Variants in DNM3 observed in about 807,000 individuals in gnomAD.
DNM3 encodes the protein dynamin-3.
Under a neutral mutation model 101.6 loss-of-function variants are expected in DNM3, and 47 were observed. The ratio of observed to expected loss-of-function variants is 0.46; its 90% CI spans 0.37 to 0.59. The LOEUF (loss-of-function observed/expected upper bound fraction) is 0.59, where lower values mean the gene tolerates loss of function less well. DNM3 is among the 20% of genes least tolerant of loss of function. The pLI, the probability that DNM3 is intolerant of heterozygous loss-of-function variation, is 0.00. For synonymous variants in DNM3, 385 were observed against 387.9 expected, an observed-to-expected ratio of 0.99 and a Z score of 0.09; for missense variants, 849 against 1,085.7, an observed-to-expected ratio of 0.78 and a Z score of 3.06.
intron 14 of DNM3, among the ~76,000 whole-genome samples, chr1:172,152,783 G>T (rs2148239296): frequency 6.6e-6 from 1 of 152,188 alleles, no homozygotes; most frequent in East Asian, 1.9e-4. Context: ...TGAGTTTTTT[G>T]TGTATGTGCA....
chr1:171,892,851 T>A (rs182918348), intron 1 of DNM3, among the ~76,000 whole-genome samples: 1 of 150,000 alleles, frequency 6.7e-6, no homozygotes, highest in Admixed American at 6.6e-5. Flanking sequence ...CATAAGCAGT[T>A]CATGATAGGG....
At chr1:172,360,730 G>A (rs1198932740) in intron 17 of DNM3, among the ~76,000 whole-genome samples, 1 of 152,010 alleles carries the variant, frequency 6.6e-6, no homozygotes, top group Non-Finnish European at 1.5e-5. Context: ...GCGGTTGCTT[G>A]TAACACCTTT....
chr1:172,353,127 C>T (rs150261052), intron 17 of DNM3, among the ~76,000 whole-genome samples: 11 of 152,298 alleles, frequency 7.2e-5, no homozygotes, highest in African/African-American at 2.4e-4. Flanking sequence ...GCACCATCCT[C>T]TGCCCTGTTT....
chr1:172,368,585 G>T lies in DNM3; in HGVS notation c.1894-10433G>T, dbSNP rs1190389261. ...CAGGGAACTAGAAAAGCAAGAATAA[G>T]CCAAACCCAAAATTAGAAGGAAAGA... On this transcript the variant is annotated intron_variant, in intron 17 of 20. Coordinates refer to ENST00000627582, the MANE Select transcript of DNM3 (RefSeq NM_015569.5). 2.0e-5 allele frequency among the ~76,000 whole-genome samples: 3 copies of T among 151,624 alleles called. No individual in the cohort carries two copies. In the East Asian group the frequency reaches 5.8e-4, roughly 29 times the overall value.
At chr1:172,248,307 G>C (rs948886215) in intron 14 of DNM3, among the ~76,000 whole-genome samples, 3 of 152,064 alleles carry the variant, frequency 2.0e-5, no homozygotes, top group Non-Finnish European at 2.9e-5. Flanking sequence ...GGTCTAGGTA[G>C]GCCCAGCATG....
chr1:172,386,573 T>G (rs754142043), intron 18 of DNM3, among the ~76,000 whole-genome samples: 8 of 152,212 alleles, frequency 5.3e-5, no homozygotes, highest in Admixed American at 6.5e-5. Context: ...TCAACCTGCA[T>G]AGTTATATAA....
At chr1:172,307,894 A>C (rs1489046082) in intron 15 of DNM3, among the ~76,000 whole-genome samples, 1 of 152,102 alleles carries the variant, frequency 6.6e-6, no homozygotes, top group Non-Finnish European at 1.5e-5. Flanking sequence ...TGGGGGAGGG[A>C]TAGCATGAGG....
intron 4 of DNM3, among the ~76,000 whole-genome samples, chr1:172,027,749 C>CA (rs1212655337): frequency 7.3e-5 from 11 of 150,874 alleles, no homozygotes; most frequent in African/African-American, 2.7e-4. Context: ...AAATGGAAAG[C>CA]AAAAAAAAGC....
intron 14 of DNM3, among the ~76,000 whole-genome samples, chr1:172,238,264 C>T (rs1454707875): frequency 6.6e-6 from 1 of 152,092 alleles, no homozygotes; most frequent in Non-Finnish European, 1.5e-5. Flanking sequence ...AGAAATACTG[C>T]CCTACACTTC....
intron 14 of DNM3, among the ~76,000 whole-genome samples, chr1:172,218,311 T>G (rs1485783592): frequency 6.6e-6 from 1 of 152,064 alleles, no homozygotes. Context: ...AATAATTGGA[T>G]GGTTTGGGTT....
In DNM3 at chr1:171,858,053, C is replaced by G. The variant is rs552990141; in HGVS notation, c.161+16236C>G. Among the ~76,000 whole-genome samples, 14 of 152,262 alleles carry G rather than the reference C, an allele frequency of 9.2e-5. 2 individuals are homozygous for G. In the South Asian group the frequency reaches 2.1e-3, roughly 23 times the overall value. ...AATTTTGGGCTTCTAGCTTCCAGAA[C>G]TTTAATAAATAAATCTCTTTTATTT... On this transcript the variant is annotated intron_variant, in intron 1 of 20. Coordinates refer to ENST00000627582, the MANE Select transcript of DNM3 (RefSeq NM_015569.5).
In DNM3 at chr1:172,408,121, G is replaced by A; in HGVS notation, c.*280G>A. The A allele has an allele frequency of 8.2e-7, 1 of 1,214,124 alleles. No individual in the cohort carries two copies. The highest frequency in any genetic ancestry group is 1.0e-6 in the Non-Finnish European group (1 of 970,590). 75.2% of individuals were successfully genotyped at this position (1,214,124 alleles called of 1,614,324 possible). On this transcript the variant is annotated 3_prime_UTR_variant, in exon 21 of 21. Coordinates refer to ENST00000627582, the MANE Select transcript of DNM3 (RefSeq NM_015569.5). ...ACTTTGGGGATCATTTGCCTACCAT[G>A]GCATATATTTGAAATTGCTTTGGAC... is the stretch of plus-strand genomic sequence containing the variant.
chr1:172,118,084 C>A (rs1558597203), intron 13 of DNM3, among the ~76,000 whole-genome samples: 1 of 152,174 alleles, frequency 6.6e-6, no homozygotes, highest in Non-Finnish European at 1.5e-5. Context: ...TCACATCCTG[C>A]ACTGCCAAAA....
At chr1:172,090,559 G>A (rs1276487526) in intron 12 of DNM3, among the ~76,000 whole-genome samples, 3 of 152,120 alleles carry the variant, frequency 2.0e-5, no homozygotes, top group African/African-American at 7.2e-5. Context: ...TTAACAGAAA[G>A]CTGGAAAAAT....
At chr1:172,220,244 A>T (rs185537523) in intron 14 of DNM3, among the ~76,000 whole-genome samples, 1 of 152,298 alleles carries the variant, frequency 6.6e-6, no homozygotes, top group East Asian at 1.9e-4. Flanking sequence ...GTTAAACCCT[A>T]AAGTTGAGCC....
At chr1:172,328,755 A>G (rs550181355) in intron 17 of DNM3, among the ~76,000 whole-genome samples, 7 of 152,318 alleles carry the variant, frequency 4.6e-5, no homozygotes, top group African/African-American at 1.7e-4. Context: ...ATTAACCTAT[A>G]TAACAAACCT....
rs536165890 is a variant in DNM3, at chr1:172,409,963, T to C, written c.*2122T>C. On this transcript the variant is annotated 3_prime_UTR_variant, in exon 21 of 21. Transcript: ENST00000627582. ...AAAATTGGAGATTTTTTTCCAATTT[T>C]CCTTCCACTGATCTTAGGCAGTAAT... 696 of 985,742 alleles carry C rather than the reference T, an allele frequency of 7.1e-4. No individual in the cohort carries two copies. Among genetic ancestry groups the C allele is most frequent in the Non-Finnish European group, 8.1e-4 (675 of 829,870 alleles). 61.1% of individuals were successfully genotyped at this position (985,742 alleles called of 1,614,324 possible). A position where few individuals can be genotyped will look rare whatever the true frequency, so the allele number is the denominator to read the frequency against.
intron 13 of DNM3, among the ~76,000 whole-genome samples, chr1:172,109,217 A>G (rs1342724106): frequency 6.6e-6 from 1 of 152,176 alleles, no homozygotes; most frequent in Non-Finnish European, 1.5e-5. Context: ...AAGCTATGGA[A>G]TTTTTAGCAT....
intron 1 of DNM3, among the ~76,000 whole-genome samples, chr1:171,915,884 T>C (rs2039672054): frequency 6.6e-6 from 1 of 152,216 alleles, no homozygotes; most frequent in African/African-American, 2.4e-5. Context: ...CAGGTACCCA[T>C]TAAATGTTGG....
Sources: gnomAD v4.1 joint callset for allele counts (sites outside exome capture counted in the v4.1 genomes callset) on GRCh38, gnomAD v4.1.1 for gene constraint, MANE v1.5 for transcripts, NCBI Gene and HGNC (gene_info 2026-07-23, HGNC 2026-07-21) for gene names.